The following LRP6 variants were observed in gnomAD, a reference collection of about 807,000 sequenced individuals.
LRP6 encodes the protein LDL receptor related protein 6.
A neutral mutation model predicts 184.1 loss-of-function variants in LRP6; 43 were observed. The observed-to-expected ratio is 0.23, with a 90% CI of 0.18 to 0.30. The LOEUF is 0.30. LRP6 is among the 10% of genes least tolerant of loss of function. LRP6 has a pLI of 1.00. For synonymous variants in LRP6, 719 were observed against 684.9 expected (o/e 1.05, Z -0.78); for missense variants, 1,571 against 2,005.3 (o/e 0.78, Z 4.14).
At chr12:12,124,095 C>T (rs960836559) in intron 22 of LRP6, among the ~76,000 whole-genome samples, 3 of 151,644 alleles carry the variant, frequency 2.0e-5, no homozygotes, top group Non-Finnish European at 4.4e-5. Flanking sequence ...AAGTATAGGC[C>T]AGGTGTGGTG....
In LRP6 at chr12:12,160,027, A is replaced by T; in HGVS notation, c.2280-63T>A. ...TTTATTATCTGGGGGAAAGAGTCAT[A>T]TTCATGCAAAGTAACTAAATAAATT... On this transcript the variant is annotated intron_variant, in intron 10 of 22. Coordinates refer to ENST00000261349, the MANE Select transcript of LRP6 (RefSeq NM_002336.3). The T allele has an allele frequency of 2.5e-6, 3 of 1,204,042 alleles. No homozygotes were observed. The South Asian group carries it at 4.4e-5, about 18-fold the overall frequency. The allele number at this position is 1,204,042 out of a possible 1,614,324, so 74.6% of individuals were successfully genotyped here.
At chr12:12,140,300 T>C (rs1247387358) in intron 15 of LRP6, among the ~76,000 whole-genome samples, 1 of 151,730 alleles carries the variant, frequency 6.6e-6, no homozygotes, top group African/African-American at 2.4e-5. Context: ...TATCCAAAAA[T>C]TTCAAAGAAA....
At chr12:12,142,941 A>T (rs1469732346) in intron 15 of LRP6, among the ~76,000 whole-genome samples, 2 of 152,160 alleles carry the variant, frequency 1.3e-5, no homozygotes, top group Admixed American at 6.5e-5. Context: ...CATCCTATTC[A>T]ACACTGTACT....
At chr12:12,133,153 T>C (rs573959600) in intron 17 of LRP6, among the ~76,000 whole-genome samples, 42 of 152,288 alleles carry the variant, frequency 2.8e-4, no homozygotes, top group African/African-American at 9.1e-4. Flanking sequence ...CTTAAAGCAG[T>C]TTGAATTTGG....
chr12:12,161,939 C>T (rs959285806), intron 10 of LRP6, among the ~76,000 whole-genome samples: 49 of 51,384 alleles, frequency 9.5e-4, no homozygotes, highest in African/African-American at 3.4e-3. Flanking sequence ...TATCAGTATA[C>T]TCATCAGTAA....
chr12:12,184,990 G>T (rs1339058911), intron 4 of LRP6, among the ~76,000 whole-genome samples: 1 of 151,924 alleles, frequency 6.6e-6, no homozygotes, highest in African/African-American at 2.4e-5. Flanking sequence ...GACCAACAAT[G>T]CCATTTAAAA....
chr12:12,185,456 G>T (rs977350815), intron 4 of LRP6, among the ~76,000 whole-genome samples: 11 of 151,998 alleles, frequency 7.2e-5, no homozygotes, highest in Non-Finnish European at 1.6e-4. Context: ...TTCAATATTT[G>T]ATTATCTCCC....
At chr12:12,201,377 A>C (rs1297371527) in intron 3 of LRP6, among the ~76,000 whole-genome samples, 2 of 152,182 alleles carry the variant, frequency 1.3e-5, no homozygotes, top group South Asian at 4.1e-4. Flanking sequence ...TACCATAGTC[A>C]CACTGCACTT....
intron 1 of LRP6, among the ~76,000 whole-genome samples, chr12:12,253,251 G>T (rs978590850): frequency 6.6e-6 from 1 of 152,130 alleles, no homozygotes; most frequent in South Asian, 2.1e-4. Context: ...GCAACACAGC[G>T]AGACTCTGTC....
At chr12:12,164,953 AAAGGC>A in intron 8 of LRP6, 121 bp downstream of exon 8, 2 of 524,840 alleles carry the variant, frequency 3.8e-6, no homozygotes, top group South Asian at 2.3e-5. Flanking sequence ...AAAAAAAAAA[AAAGGC>A]GGGGGGGCAG....
At chr12:12,170,814 C>G (rs1863015381) in intron 7 of LRP6, among the ~76,000 whole-genome samples, 1 of 150,908 alleles carries the variant, frequency 6.6e-6, no homozygotes, top group Non-Finnish European at 1.5e-5. Context: ...CACACACACA[C>G]ACACACACAC....
chr12:12,141,476 T>A (rs1196361646), intron 15 of LRP6, among the ~76,000 whole-genome samples: 2 of 152,002 alleles, frequency 1.3e-5, no homozygotes, highest in African/African-American at 4.8e-5. Flanking sequence ...GGAAAAAAAA[T>A]TCAAACAAGA....
At chr12:12,177,543 A>T (rs182649245) in intron 7 of LRP6, among the ~76,000 whole-genome samples, 1 of 152,338 alleles carries the variant, frequency 6.6e-6, no homozygotes, top group East Asian at 1.9e-4. Context: ...GGACTAATTT[A>T]GACGAAGAGC....
At chr12:12,155,484 T>C in intron 12 of LRP6, 1 of 890,722 alleles carries the variant, frequency 1.1e-6, no homozygotes, top group Non-Finnish European at 1.9e-6. Flanking sequence ...GTTGGCATTG[T>C]TGTAAACAAA....
intron 14 of LRP6, among the ~76,000 whole-genome samples, chr12:12,148,414 CT>C (rs1415303225): frequency 2.0e-5 from 3 of 151,920 alleles, no homozygotes; most frequent in Non-Finnish European, 4.4e-5. Flanking sequence ...TGCTGAATAC[CT>C]TATCATTGAC....
At chr12:12,127,277 A>G (rs569989024) in intron 19 of LRP6, among the ~76,000 whole-genome samples, 35 of 152,362 alleles carry the variant, frequency 2.3e-4, no homozygotes, top group African/African-American at 8.4e-4. Flanking sequence ...TTCATTCTAT[A>G]TACCATACAA....
chr12:12,200,723 G>A lies in LRP6; in HGVS notation c.647+2480C>T, dbSNP rs548245489. 3.3e-5 allele frequency among the ~76,000 whole-genome samples: 5 copies of A among 152,206 alleles called. No homozygotes were observed. In the East Asian group the frequency reaches 9.7e-4, roughly 29 times the overall value. On this transcript the variant is annotated intron_variant, in intron 3 of 22. Transcript: ENST00000261349. The stretch of plus-strand genomic sequence containing the variant: ...CTGTAATATATAAAGTATTTTACTT[G>A]TTTGTCCTTTATGGCAACCTTTACA...
chr12:12,256,679 G>A lies in LRP6; in HGVS notation c.55+10002C>T, dbSNP rs561610965. On this transcript the variant is annotated intron_variant, in intron 1 of 22. Transcript: ENST00000261349. ...AAAATTAGCCAGCATGGTGGCACAC[G>A]CCTGTAGTCCCAGCTACTCAGGAGG... is the stretch of plus-strand genomic sequence containing the variant. 2.6e-5 allele frequency among the ~76,000 whole-genome samples: 4 copies of A among 152,198 alleles called. No individual in the cohort carries two copies. In the South Asian group the frequency reaches 8.3e-4, roughly 32 times the overall value.
chr12:12,265,071 C>T (rs1325131909), intron 1 of LRP6, among the ~76,000 whole-genome samples: 1 of 152,206 alleles, frequency 6.6e-6, no homozygotes, highest in African/African-American at 2.4e-5. Flanking sequence ...AGTTTTCCCA[C>T]GACTCTAACC....
Sources: gnomAD v4.1 joint callset for allele counts (sites outside exome capture counted in the v4.1 genomes callset) on GRCh38, gnomAD v4.1.1 for gene constraint, MANE v1.5 for transcripts, NCBI Gene and HGNC (gene_info 2026-07-23, HGNC 2026-07-21) for gene names.